CEP112: variants seen among roughly 807,000 people sequenced by gnomAD.
CEP112 encodes centrosomal protein of 112 kDa.
In CEP112, 127 loss-of-function variants were observed where a neutral mutation model predicts 153.0. The ratio of observed to expected loss-of-function variants is 0.83; its 90% confidence interval spans 0.72 to 0.96. The LOEUF is 0.96. Ranked by LOEUF, CEP112 falls within the 40% of genes least tolerant of loss-of-function variation. The probability of loss-of-function intolerance (pLI) is 0.00; values close to 1 mark genes in which losing one functional copy is unlikely to be tolerated. For missense variants in CEP112, 1,089 were observed against 1,101.2 expected, an observed-to-expected ratio of 0.99 and a Z score of 0.16; for synonymous variants, 358 against 374.4, an observed-to-expected ratio of 0.96 and a Z score of 0.51.
At chr17:65,908,580 G>C (rs1330092565) in intron 19 of CEP112, among the ~76,000 whole-genome samples, 1 of 152,006 alleles carries the variant, frequency 6.6e-6, no homozygotes, top group Non-Finnish European at 1.5e-5. Context: ...CGCAATCCCA[G>C]CTACTCAGGA....
chr17:66,034,847 G>A (rs865805909), intron 12 of CEP112, among the ~76,000 whole-genome samples: 7 of 150,078 alleles, frequency 4.7e-5, no homozygotes, highest in African/African-American at 7.3e-5. Flanking sequence ...TCACTCTGTC[G>A]CCCAGGCTGG....
chr17:65,671,277 G>A (rs2046968643), intron 24 of CEP112, among the ~76,000 whole-genome samples: 2 of 152,174 alleles, frequency 1.3e-5, no homozygotes, highest in East Asian at 1.9e-4. Context: ...CTCCCGAAGG[G>A]GAAATTGGGA....
At chr17:65,863,399 T>A (rs2058371404) in intron 20 of CEP112, among the ~76,000 whole-genome samples, 1 of 152,146 alleles carries the variant, frequency 6.6e-6, no homozygotes. Flanking sequence ...AATTAAATAC[T>A]AATAAGCTCT....
intron 23 of CEP112, among the ~76,000 whole-genome samples, chr17:65,700,100 TTCCTCCTCCTCC>T (rs375401274): frequency 3.3e-5 from 5 of 151,144 alleles, no homozygotes; most frequent in African/African-American, 1.2e-4. Context: ...CCTCCTCCTC[TTCCTCCTCCTCC>T]TCCTCCTCCT....
intron 20 of CEP112, among the ~76,000 whole-genome samples, chr17:65,886,873 A>G (rs1338970535): frequency 1.3e-5 from 2 of 152,182 alleles, no homozygotes; most frequent in African/African-American, 4.8e-5. Flanking sequence ...AAATGCAGCT[A>G]TAACTATAAT....
At chr17:65,899,771 T>G (rs1436754367) in intron 20 of CEP112, among the ~76,000 whole-genome samples, 1 of 152,154 alleles carries the variant, frequency 6.6e-6, no homozygotes, top group Non-Finnish European at 1.5e-5. Context: ...AATAGCCCTT[T>G]TTACAAAATG....
chr17:66,126,359 T>C (rs1342650146), intron 6 of CEP112, among the ~76,000 whole-genome samples: 1 of 152,168 alleles, frequency 6.6e-6, no homozygotes, highest in Admixed American at 6.6e-5. Flanking sequence ...AGACATAATT[T>C]TTAAAGTTTT....
intron 21 of CEP112, among the ~76,000 whole-genome samples, chr17:65,824,207 A>G (rs1278663599): frequency 1.3e-5 from 2 of 152,238 alleles, no homozygotes; most frequent in African/African-American, 4.8e-5. Context: ...ACTCCCATAC[A>G]ATGGAATACT....
intron 19 of CEP112, among the ~76,000 whole-genome samples, chr17:65,926,691 TGAGA>T (rs1218143893): frequency 2.0e-5 from 3 of 149,416 alleles, no homozygotes. Context: ...CCAGCCTGGG[TGAGA>T]GAGTGAGACT....
chr17:66,032,640 G>T (rs2145748368), intron 12 of CEP112, among the ~76,000 whole-genome samples: 1 of 152,284 alleles, frequency 6.6e-6, no homozygotes, highest in Middle Eastern at 3.4e-3. Flanking sequence ...AGCCTCTCTG[G>T]AAGAAGATAA....
chr17:65,739,957 T>C (rs1365413964), intron 23 of CEP112, among the ~76,000 whole-genome samples: 4 of 152,200 alleles, frequency 2.6e-5, no homozygotes, highest in African/African-American at 9.6e-5. Context: ...ATTGCTTCTC[T>C]GTGCAAAAGT....
At chr17:65,693,248 T>A (rs1327784402) in intron 23 of CEP112, among the ~76,000 whole-genome samples, 3 of 151,970 alleles carry the variant, frequency 2.0e-5, no homozygotes, top group Non-Finnish European at 4.4e-5. Context: ...CCCTGCCCCA[T>A]TCACTACATA....
At chr17:66,159,422 C>T (rs976048793) in intron 4 of CEP112, among the ~76,000 whole-genome samples, 2 of 152,124 alleles carry the variant, frequency 1.3e-5, no homozygotes, top group Non-Finnish European at 2.9e-5. Flanking sequence ...GACCAATATC[C>T]CTGATGAACA....
At chr17:65,896,222 G>A (rs1340126139) in intron 20 of CEP112, among the ~76,000 whole-genome samples, 3 of 151,980 alleles carry the variant, frequency 2.0e-5, no homozygotes, top group Non-Finnish European at 4.4e-5. Flanking sequence ...AAGATACACT[G>A]TATCTTCTAC....
At chr17:65,901,999 T>TG (rs1568196541) in intron 20 of CEP112, among the ~76,000 whole-genome samples, 153 bp downstream of exon 20, 3 of 13,476 alleles carry the variant, frequency 2.2e-4, no homozygotes, top group African/African-American at 5.7e-4. Context: ...GGGGGGGGGG[T>TG]GGGGGGGAGA....
At chr17:65,983,859 C>T (rs2145167537) in intron 17 of CEP112, among the ~76,000 whole-genome samples, 1 of 152,302 alleles carries the variant, frequency 6.6e-6, no homozygotes, top group East Asian at 1.9e-4. Flanking sequence ...ACCAGTCTAA[C>T]AGAGACCTGT....
intron 6 of CEP112, among the ~76,000 whole-genome samples, chr17:66,116,863 CTTTTTTTT>C (rs35885142): frequency 5.0e-5 from 6 of 119,186 alleles, no homozygotes; most frequent in Non-Finnish European, 6.8e-5. Context: ...CTCCAATCTC[CTTTTTTTT>C]TTTTTTTTTT....
At chr17:65,754,509 T>C (rs961707690) in intron 21 of CEP112, among the ~76,000 whole-genome samples, 1 of 151,886 alleles carries the variant, frequency 6.6e-6, no homozygotes, top group African/African-American at 2.4e-5. Flanking sequence ...CTTGGGAGGG[T>C]GAAGCAAGAG....
intron 21 of CEP112, among the ~76,000 whole-genome samples, chr17:65,762,283 AT>A (rs941695522): frequency 1.5e-4 from 23 of 151,562 alleles, no homozygotes; most frequent in South Asian, 4.2e-4. Context: ...TATGGTATAT[AT>A]TTTTTTTGAT....
Sources: gnomAD v4.1 joint callset for allele counts (sites outside exome capture counted in the v4.1 genomes callset) on GRCh38, gnomAD v4.1.1 for gene constraint, MANE v1.5 for transcripts, NCBI Gene and HGNC (gene_info 2026-07-23, HGNC 2026-07-21) for gene names.